CCSER1: variants seen among roughly 807,000 people sequenced by gnomAD.
CCSER1 encodes the protein serine-rich coiled-coil domain-containing protein 1.
In CCSER1, 41 loss-of-function variants were observed where a neutral mutation model predicts 82.0. The ratio of observed to expected loss-of-function variants is 0.50; its 90% CI spans 0.39 to 0.65. CCSER1 has a LOEUF of 0.65. Among genes scored for constraint, CCSER1 ranks in the 30% least tolerant of loss-of-function variants. The pLI is 0.00. For synonymous variants in CCSER1, 414 were observed against 383.9 expected, an observed-to-expected ratio of 1.08 and a Z score of -0.92; for missense variants, 1,119 against 1,064.2, an observed-to-expected ratio of 1.05 and a Z score of -0.72.
At chr4:91,227,552 T>C (rs1186071770) in intron 10 of CCSER1, among the ~76,000 whole-genome samples, 2 of 151,456 alleles carry the variant, frequency 1.3e-5, no homozygotes, top group Non-Finnish European at 2.9e-5. Flanking sequence ...GTACATGTAC[T>C]GGTTTTTTTT....
At chr4:90,437,760 T>C (rs1759244084) in intron 4 of CCSER1, among the ~76,000 whole-genome samples, 1 of 152,088 alleles carries the variant, frequency 6.6e-6, no homozygotes, top group African/African-American at 2.4e-5. Context: ...GATTCAAACC[T>C]GAAAAATTAT....
intron 6 of CCSER1, among the ~76,000 whole-genome samples, chr4:90,700,938 G>C (rs1001660114): frequency 6.6e-6 from 1 of 152,078 alleles, no homozygotes; most frequent in Non-Finnish European, 1.5e-5. Context: ...TAGGTTGCCT[G>C]TTCACTCTGA....
intron 10 of CCSER1, among the ~76,000 whole-genome samples, chr4:91,553,658 A>G (rs1447158025): frequency 6.6e-6 from 1 of 150,538 alleles, no homozygotes; most frequent in African/African-American, 2.4e-5. Context: ...GGTAGGTTGC[A>G]TTTTTCTATA....
intron 10 of CCSER1, among the ~76,000 whole-genome samples, chr4:91,136,752 TTTGAG>T (rs1237277444): frequency 6.6e-6 from 1 of 152,124 alleles, no homozygotes; most frequent in Non-Finnish European, 1.5e-5. Flanking sequence ...ATTTATTCAT[TTTGAG>T]TTATTTTATT....
intron 9 of CCSER1, among the ~76,000 whole-genome samples, chr4:91,079,178 G>C (rs184394057): frequency 2.0e-5 from 3 of 152,268 alleles, no homozygotes; most frequent in African/African-American, 7.2e-5. Context: ...CAGCCAGACA[G>C]GTCAGGTTAC....
chr4:90,644,802 C>A (rs1334467891), intron 6 of CCSER1, among the ~76,000 whole-genome samples: 1 of 151,944 alleles, frequency 6.6e-6, no homozygotes, highest in African/African-American at 2.4e-5. Context: ...ATGATCTTGG[C>A]CAGGTGCGGT....
chr4:90,640,487 T>C (rs62314386), intron 6 of CCSER1, among the ~76,000 whole-genome samples: 2,346 of 152,280 alleles, frequency 0.015, 22 homozygotes, highest in Non-Finnish European at 0.026. Context: ...AAGTATTATT[T>C]ATATTACTTA....
rs1743215046 is a variant in CCSER1 at position 90,724,136 on chromosome 4, G to A, written c.2010+145G>A. On this transcript the variant is annotated intron_variant, in intron 7 of 10. Coordinates refer to ENST00000509176, the MANE Select transcript of CCSER1 (RefSeq NM_001145065.2). ...AAATCTTAAAATCGTTTTTTTGTGT[G>A]TTCCATTGTCATTCTATTGCTAACT... 7.7e-6 allele frequency: 4 copies of A among 518,362 alleles called. No individual in the cohort carries two copies. In the East Asian group the frequency reaches 1.2e-4, roughly 16 times the overall value. 32.1% of individuals were successfully genotyped at this position (518,362 alleles called of 1,614,324 possible).
intron 8 of CCSER1, among the ~76,000 whole-genome samples, chr4:90,915,553 A>G (rs1438630788): frequency 6.6e-6 from 1 of 152,190 alleles, no homozygotes; most frequent in African/African-American, 2.4e-5. Context: ...CTCACAGCCA[A>G]TATCATACTG....
At chr4:90,208,632 T>A (rs1364366612) in intron 1 of CCSER1, among the ~76,000 whole-genome samples, 3 of 152,130 alleles carry the variant, frequency 2.0e-5, no homozygotes, top group African/African-American at 7.2e-5. Context: ...TCCCTGGTGA[T>A]GTAGGCACCT....
intron 7 of CCSER1, 43 bp downstream of exon 7, chr4:90,724,034 A>T (rs2149376506): frequency 8.6e-7 from 1 of 1,167,990 alleles, no homozygotes; most frequent in African/African-American, 1.5e-5. Context: ...AAATATTAGG[A>T]TAGTTAATAA....
At chr4:90,483,002 AG>A (rs1396550206) in intron 5 of CCSER1, among the ~76,000 whole-genome samples, 1 of 152,084 alleles carries the variant, frequency 6.6e-6, no homozygotes, top group African/African-American at 2.4e-5. Flanking sequence ...ATTGTGTGGG[AG>A]TCTAAGTCAC....
At chr4:90,306,081 C>T (rs1560989517) in intron 1 of CCSER1, among the ~76,000 whole-genome samples, 1 of 152,054 alleles carries the variant, frequency 6.6e-6, no homozygotes, top group South Asian at 2.1e-4. Context: ...CACAGAAAGA[C>T]AAATATTGCA....
intron 1 of CCSER1, among the ~76,000 whole-genome samples, chr4:90,154,772 A>C (rs1433298844): frequency 2.0e-5 from 3 of 148,172 alleles, no homozygotes; most frequent in African/African-American, 7.5e-5. Flanking sequence ...GCTTAAGGAG[A>C]TTTTGGGCTG....
At chr4:90,956,918 T>G (rs895523220) in intron 9 of CCSER1, among the ~76,000 whole-genome samples, 1 of 149,026 alleles carries the variant, frequency 6.7e-6, no homozygotes, top group Non-Finnish European at 1.5e-5. Context: ...TAGCTGGGAC[T>G]ACAGGTGTGT....
Position 90,975,583 on chromosome 4 carries a change from G to C in CCSER1, c.2172+52136G>C, listed in dbSNP as rs566268215. On this transcript the variant is annotated intron_variant, in intron 9 of 10. Coordinates refer to ENST00000509176, the MANE Select transcript of CCSER1 (RefSeq NM_001145065.2). ...TGAAACTGTCAAACACGGAAACAGA[G>C]TCTCTAAGTAATTTGCTCACTAGTT... Among the ~76,000 whole-genome samples, 28 of 151,282 alleles carry C rather than the reference G, an allele frequency of 1.9e-4. No individual in the cohort carries two copies. In the South Asian group the frequency reaches 4.8e-3, roughly 26 times the overall value.
intron 10 of CCSER1, among the ~76,000 whole-genome samples, chr4:91,102,733 C>A (rs889628269): frequency 9.2e-5 from 14 of 152,258 alleles, no homozygotes; most frequent in African/African-American, 3.4e-4. Context: ...TGCAACTGAT[C>A]ATGTAATTAT....
intron 10 of CCSER1, among the ~76,000 whole-genome samples, chr4:91,412,832 C>T (rs1366094046): frequency 6.6e-6 from 1 of 151,944 alleles, no homozygotes; most frequent in Non-Finnish European, 1.5e-5. Flanking sequence ...AAACATGATA[C>T]CACCAAATGA....
chr4:90,966,130 G>T (rs1455929208), intron 9 of CCSER1, among the ~76,000 whole-genome samples: 1 of 151,986 alleles, frequency 6.6e-6, no homozygotes, highest in East Asian at 1.9e-4. Context: ...AAAACGCTGT[G>T]AAGTGTATCA....
Sources: gnomAD v4.1 joint callset for allele counts (sites outside exome capture counted in the v4.1 genomes callset) on GRCh38, gnomAD v4.1.1 for gene constraint, MANE v1.5 for transcripts, NCBI Gene and HGNC (gene_info 2026-07-23, HGNC 2026-07-21) for gene names.